Variants in TEAD1 observed in about 807,000 individuals in gnomAD.
The protein encoded by TEAD1 is TEA domain transcription factor 1.
Under a neutral mutation model 54.9 loss-of-function variants are expected in TEAD1, and 9 were observed. The ratio of observed to expected loss-of-function variants is 0.16; its 90% confidence interval spans 0.10 to 0.29. The LOEUF (loss-of-function observed/expected upper bound fraction) is 0.29. TEAD1 is among the 10% of genes least tolerant of loss of function. The probability of loss-of-function intolerance (pLI) is 1.00; values close to 1 mark genes in which losing one functional copy is unlikely to be tolerated. For synonymous variants in TEAD1, 200 were observed against 187.8 expected (o/e 1.07, Z -0.53); for missense variants, 387 against 535.9 (o/e 0.72, Z 2.74).
intron 9 of TEAD1, among the ~76,000 whole-genome samples, chr11:12,889,657 G>T (rs1209769815): frequency 6.6e-6 from 1 of 152,210 alleles, no homozygotes; most frequent in Non-Finnish European, 1.5e-5. Flanking sequence ...CCATGATACA[G>T]TAGAGGAACA....
At chr11:12,879,070 C>T (rs111300705) in intron 5 of TEAD1, among the ~76,000 whole-genome samples, 3 of 152,198 alleles carry the variant, frequency 2.0e-5, no homozygotes, top group Non-Finnish European at 2.9e-5. Flanking sequence ...TACGAACCCA[C>T]GTAGCCTTAG....
chr11:12,772,354 AG>A (rs1429263049), intron 3 of TEAD1, among the ~76,000 whole-genome samples: 1 of 152,162 alleles, frequency 6.6e-6, no homozygotes, highest in African/African-American at 2.4e-5. Flanking sequence ...TTATGAGTTG[AG>A]GATGTATTTG....
At position 12,906,639 on chromosome 11, in the gene TEAD1, T is replaced by C. The variant is rs117759325; in HGVS notation, c.873+4526T>C. Among the ~76,000 whole-genome samples the C allele has an allele frequency of 5.7e-3, 861 of 152,302 alleles. 5 individuals are homozygous for C. The highest frequency in any genetic ancestry group is 0.01 in the Non-Finnish European group (683 of 68,022). ...ATCATACTAAAATCCAGCGTTGGAA[T>C]TTGTCTGTCACCCCGCGAGGATCTC... On this transcript the variant is annotated intron_variant, in intron 10 of 12. Transcript: ENST00000527636.
At chr11:12,741,342 T>A (rs1485022642) in intron 2 of TEAD1, among the ~76,000 whole-genome samples, 1 of 152,174 alleles carries the variant, frequency 6.6e-6, no homozygotes, top group African/African-American at 2.4e-5. Flanking sequence ...ATTTTCTCTT[T>A]TTGATAAATT....
chr11:12,694,335 G>T (rs1034828189), intron 2 of TEAD1, among the ~76,000 whole-genome samples: 1 of 151,916 alleles, frequency 6.6e-6, no homozygotes, highest in Admixed American at 6.6e-5. Flanking sequence ...TAACACACTC[G>T]CCAGCCTGCC....
At chr11:12,844,959 C>CTTTTTTTTTTTTTT (rs3046338) in intron 3 of TEAD1, among the ~76,000 whole-genome samples, 1 of 64,658 alleles carries the variant, frequency 1.5e-5, no homozygotes, top group African/African-American at 6.4e-5. Flanking sequence ...TGTATGAAAT[C>CTTTTTTTTTTTTTT]TTTTTTTTTT....
intron 6 of TEAD1, 91 bp from the exon 7 acceptor site, chr11:12,880,914 G>A (rs937732488): frequency 8.6e-5 from 122 of 1,425,598 alleles, no homozygotes; most frequent in Non-Finnish European, 1.1e-4. Flanking sequence ...CGAACCTGCT[G>A]TCTTTTAGCA....
intron 3 of TEAD1, among the ~76,000 whole-genome samples, chr11:12,852,326 G>A (rs1296874362): frequency 6.6e-6 from 1 of 152,128 alleles, no homozygotes; most frequent in Non-Finnish European, 1.5e-5. Flanking sequence ...TGAAAGAAAA[G>A]ACAAATGCCT....
intron 3 of TEAD1, among the ~76,000 whole-genome samples, chr11:12,821,187 A>G (rs948280755): frequency 3.3e-5 from 5 of 152,140 alleles, no homozygotes; most frequent in Non-Finnish European, 2.9e-5. Flanking sequence ...GGGCCTGTGT[A>G]TGGTGTGTTG....
At chr11:12,804,702 G>A (rs1946132441) in intron 3 of TEAD1, among the ~76,000 whole-genome samples, 1 of 152,158 alleles carries the variant, frequency 6.6e-6, no homozygotes, top group Admixed American at 6.5e-5. Context: ...TTGGAGCCAG[G>A]GGTTCTGTTT....
intron 2 of TEAD1, among the ~76,000 whole-genome samples, chr11:12,722,757 T>G (rs528271505): frequency 6.6e-6 from 1 of 152,296 alleles, no homozygotes; most frequent in East Asian, 1.9e-4. Context: ...CACAACTGTT[T>G]TCATTTTAAC....
chr11:12,807,620 A>G (rs1014985512), intron 3 of TEAD1, among the ~76,000 whole-genome samples: 4 of 152,256 alleles, frequency 2.6e-5, no homozygotes, highest in Admixed American at 6.5e-5. Context: ...AATGCAAACT[A>G]TTAATCACTA....
chr11:12,893,306 A>G (rs1047949739), intron 9 of TEAD1, among the ~76,000 whole-genome samples: 2 of 152,176 alleles, frequency 1.3e-5, no homozygotes, highest in South Asian at 2.1e-4. Context: ...CCGGGGAAGG[A>G]GATGATGGCT....
intron 3 of TEAD1, among the ~76,000 whole-genome samples, chr11:12,800,388 G>A (rs554150969): frequency 6.6e-6 from 1 of 152,322 alleles, no homozygotes; most frequent in African/African-American, 2.4e-5. Context: ...CTATGTGCCA[G>A]GTACTGTGGT....
intron 3 of TEAD1, among the ~76,000 whole-genome samples, chr11:12,791,341 G>T (rs1945799018): frequency 6.6e-6 from 1 of 152,192 alleles, no homozygotes; most frequent in African/African-American, 2.4e-5. Context: ...TTGCTCTCCT[G>T]CATTCCTTGT....
chr11:12,759,817 G>A (rs1326269329), intron 2 of TEAD1, among the ~76,000 whole-genome samples: 2 of 152,144 alleles, frequency 1.3e-5, no homozygotes, highest in Admixed American at 6.5e-5. Context: ...AGCTGAGATC[G>A]TGCCACTGCA....
chr11:12,731,221 T>C (rs1426130140), intron 2 of TEAD1, among the ~76,000 whole-genome samples: 4 of 152,196 alleles, frequency 2.6e-5, no homozygotes, highest in Non-Finnish European at 4.4e-5. Flanking sequence ...CCATTTAGGT[T>C]TTTTCTTTTG....
intron 2 of TEAD1, among the ~76,000 whole-genome samples, chr11:12,694,544 G>A (rs988377415): frequency 5.9e-5 from 9 of 152,188 alleles, no homozygotes; most frequent in Admixed American, 3.3e-4. Flanking sequence ...GCTGTGACTC[G>A]TATTTATTTT....
At chr11:12,931,727 TAAC>T (rs1949013551) in intron 12 of TEAD1, among the ~76,000 whole-genome samples, 1 of 152,116 alleles carries the variant, frequency 6.6e-6, no homozygotes, top group South Asian at 2.1e-4. Context: ...CCTTAATATT[TAAC>T]AATAATTTTT....
Sources: allele counts gnomAD v4.1 joint callset (sites outside exome capture counted in the v4.1 genomes callset), GRCh38; gene constraint gnomAD v4.1.1; transcripts MANE v1.5; gene names NCBI Gene and HGNC (gene_info 2026-07-23, HGNC 2026-07-21).